MAGI2: variants seen among roughly 807,000 people sequenced by gnomAD.
MAGI2 encodes the protein membrane associated guanylate kinase, WW and PDZ domain containing 2, also known as membrane-associated guanylate kinase, WW and PDZ domain-containing protein 2.
MAGI2 carries 35 observed loss-of-function variants against 133.3 expected under a neutral mutation model. That is an observed-to-expected ratio of 0.26 (90% CI 0.20 to 0.35). MAGI2 has a LOEUF of 0.35. Ranked by LOEUF, MAGI2 falls within the 10% of genes least tolerant of loss-of-function variation. The pLI, the probability that MAGI2 is intolerant of heterozygous loss-of-function variation, is 1.00. For synonymous variants in MAGI2, 729 were observed against 710.6 expected, an observed-to-expected ratio of 1.03 and a Z score of -0.41; for missense variants, 1,636 against 1,863.4, an observed-to-expected ratio of 0.88 and a Z score of 2.25.
intron 9 of MAGI2, among the ~76,000 whole-genome samples, chr7:78,283,919 T>C (rs576303942): frequency 6.6e-6 from 1 of 152,218 alleles, no homozygotes; most frequent in South Asian, 2.1e-4. Flanking sequence ...TGGGAGAAAA[T>C]TGATGAAAAA....
chr7:78,252,358 TAAAC>T (rs1381771104), intron 10 of MAGI2: 1 of 150,992 alleles, frequency 6.6e-6, no homozygotes, highest in Non-Finnish European at 1.5e-5. Flanking sequence ...CATCTAGAAA[TAAAC>T]CTCCACATTT....
intron 15 of MAGI2, among the ~76,000 whole-genome samples, chr7:78,165,745 G>A (rs1201031690): frequency 6.6e-6 from 1 of 152,150 alleles, no homozygotes; most frequent in African/African-American, 2.4e-5. Flanking sequence ...GCTTAGGAAA[G>A]CATAATAATA....
At chr7:78,998,587 G>A (rs1806547808) in intron 2 of MAGI2, among the ~76,000 whole-genome samples, 1 of 152,146 alleles carries the variant, frequency 6.6e-6, no homozygotes, top group Non-Finnish European at 1.5e-5. Flanking sequence ...CCATACTCTA[G>A]CAATGCTATA....
At chr7:79,096,406 C>A (rs1490617454) in intron 1 of MAGI2, among the ~76,000 whole-genome samples, 8 of 152,148 alleles carry the variant, frequency 5.3e-5, no homozygotes, top group African/African-American at 1.7e-4. Flanking sequence ...GTACAGCTTC[C>A]TTCTATTGCT....
chr7:78,107,493 C>T (rs939364452), intron 20 of MAGI2, among the ~76,000 whole-genome samples: 1 of 151,906 alleles, frequency 6.6e-6, no homozygotes, highest in African/African-American at 2.4e-5. Context: ...AAAACATTTC[C>T]TGTGTGTGTC....
At chr7:78,785,839 A>C (rs1000665489) in intron 2 of MAGI2, among the ~76,000 whole-genome samples, 1 of 152,224 alleles carries the variant, frequency 6.6e-6, no homozygotes, top group Non-Finnish European at 1.5e-5. Context: ...GTGTGACACC[A>C]AAAGACAAAT....
chr7:79,123,170 A>G (rs1253389250), intron 1 of MAGI2, among the ~76,000 whole-genome samples: 2 of 152,218 alleles, frequency 1.3e-5, no homozygotes, highest in Admixed American at 1.3e-4. Flanking sequence ...AATATTCAAG[A>G]AATGAAATCC....
chr7:78,672,560 T>C (rs946485079), intron 2 of MAGI2, among the ~76,000 whole-genome samples: 5 of 152,190 alleles, frequency 3.3e-5, no homozygotes, highest in African/African-American at 1.2e-4. Context: ...AAATGGCTGG[T>C]TTCATCTATC....
chr7:78,042,874 A>G (rs868374607), intron 21 of MAGI2, among the ~76,000 whole-genome samples: 2 of 152,230 alleles, frequency 1.3e-5, no homozygotes, highest in African/African-American at 4.8e-5. Context: ...GCTGACTGAT[A>G]CAATTGCCAG....
At chr7:78,228,720 A>G (rs1789657685) in intron 10 of MAGI2, among the ~76,000 whole-genome samples, 1 of 152,228 alleles carries the variant, frequency 6.6e-6, no homozygotes, top group Non-Finnish European at 1.5e-5. Flanking sequence ...AAGTAGAAAT[A>G]TATTTATGGG....
intron 21 of MAGI2, among the ~76,000 whole-genome samples, chr7:78,050,586 G>A (rs1201797760): frequency 1.3e-5 from 2 of 152,224 alleles, no homozygotes; most frequent in Non-Finnish European, 2.9e-5. Flanking sequence ...TGTATGATTA[G>A]AGAGAAAGCA....
At chr7:78,185,571 G>T in intron 13 of MAGI2, 58 bp downstream of exon 13, 2 of 1,332,272 alleles carry the variant, frequency 1.5e-6, no homozygotes, top group Non-Finnish European at 2.1e-6. Context: ...AGAATGATTT[G>T]TTACACAAAA....
At chr7:79,094,284 A>G (rs1817335201) in intron 1 of MAGI2, among the ~76,000 whole-genome samples, 2 of 151,992 alleles carry the variant, frequency 1.3e-5, no homozygotes. Context: ...ATAAGAAGCA[A>G]CTCTTCCTTC....
intron 4 of MAGI2, among the ~76,000 whole-genome samples, chr7:78,520,578 A>T (rs1796410214): frequency 6.6e-6 from 1 of 152,178 alleles, no homozygotes; most frequent in Admixed American, 6.5e-5. Context: ...TACCATTAAA[A>T]AATAAATAAT....
chr7:79,356,279 C>G (rs909165039), intron 1 of MAGI2, among the ~76,000 whole-genome samples: 2 of 152,012 alleles, frequency 1.3e-5, no homozygotes, highest in Non-Finnish European at 2.9e-5. Flanking sequence ...CTGTTGAGTT[C>G]TTATTCTGAA....
rs552039117 is a variant in MAGI2 at position 78,694,951 on chromosome 7, C to T, written c.419-67712G>A. ...TCCTTATAAAGTCTCCTGGTCCAGG[C>T]GTGGTGGCTCACGCCTGTAATCCCA... On this transcript the variant is annotated intron_variant, in intron 2 of 21. Coordinates refer to ENST00000354212, the MANE Select transcript of MAGI2 (RefSeq NM_012301.4). 7.3e-4 allele frequency among the ~76,000 whole-genome samples: 111 copies of T among 152,222 alleles called. 4 individuals are homozygous for T. In the South Asian group the frequency reaches 0.022, roughly 30 times the overall value.
chr7:79,313,666 C>G (rs1448016993), intron 1 of MAGI2, among the ~76,000 whole-genome samples: 2 of 152,076 alleles, frequency 1.3e-5, no homozygotes, highest in Non-Finnish European at 2.9e-5. Context: ...TATAAAAGCC[C>G]ATGTTAAGAG....
chr7:79,055,129 T>C (rs928151929), intron 1 of MAGI2, among the ~76,000 whole-genome samples: 2 of 152,206 alleles, frequency 1.3e-5, no homozygotes, highest in Admixed American at 1.3e-4. Context: ...CCAGCTGAAC[T>C]GGACTACACG....
chr7:78,226,090 C>A (rs1047028418), intron 10 of MAGI2, among the ~76,000 whole-genome samples: 1 of 151,996 alleles, frequency 6.6e-6, no homozygotes, highest in Non-Finnish European at 1.5e-5. Flanking sequence ...AAAATTGATT[C>A]AACTGATATA....
Sources: allele counts gnomAD v4.1 joint callset (sites outside exome capture counted in the v4.1 genomes callset), GRCh38; gene constraint gnomAD v4.1.1; transcripts MANE v1.5; gene names NCBI Gene and HGNC (gene_info 2026-07-23, HGNC 2026-07-21).